Variants in SLC13A1 observed in about 807,000 individuals in gnomAD.
SLC13A1 encodes the protein solute carrier family 13 member 1, also known as Na(+)/sulfate cotransporter.
In SLC13A1, 65 loss-of-function variants were observed where a neutral mutation model predicts 70.0. That is an observed-to-expected ratio of 0.93 (90% CI 0.76 to 1.14). SLC13A1 has a LOEUF of 1.14. Ranked by LOEUF, SLC13A1 falls within the 50% of genes most tolerant of loss-of-function variation. The pLI is 0.00. For missense variants in SLC13A1, 726 were observed against 717.8 expected, an observed-to-expected ratio of 1.01 and a Z score of -0.13; for synonymous variants, 275 against 250.5, an observed-to-expected ratio of 1.10 and a Z score of -0.92.
intron 10 of SLC13A1, among the ~76,000 whole-genome samples, chr7:123,127,422 C>T (rs761124472): frequency 7.2e-5 from 11 of 151,996 alleles, no homozygotes; most frequent in African/African-American, 1.2e-4. Flanking sequence ...TTAATTCTTA[C>T]GCACTGGTGT....
chr7:123,147,412 C>T (rs936041395), intron 6 of SLC13A1, 102 bp from the exon 7 acceptor site: 2 of 1,333,158 alleles, frequency 1.5e-6, no homozygotes, highest in Middle Eastern at 2.4e-4. Context: ...TGTTGAAACC[C>T]TAACTCCTGA....
rs542427995 is a variant in SLC13A1 at position 123,179,166 on chromosome 7, C to T, written c.228+1807G>A. On this transcript the variant is annotated intron_variant, in intron 2 of 14. Transcript: ENST00000194130. Reference sequence around the variant, plus strand: ...AATGATATTAATTTTCAAATTCAAGCAACATTTTCATGAAAAAAACTAAGG... The same window carrying T: ...AATGATATTAATTTTCAAATTCAAGTAACATTTTCATGAAAAAAACTAAGG... Among the ~76,000 whole-genome samples the T allele has an allele frequency of 2.0e-5, 3 of 151,974 alleles. No homozygotes were observed. The East Asian group carries it at 5.8e-4, about 29-fold the overall frequency.
At chr7:123,177,070 T>C (rs888048508) in intron 2 of SLC13A1, among the ~76,000 whole-genome samples, 9 of 152,120 alleles carry the variant, frequency 5.9e-5, no homozygotes, top group Non-Finnish European at 1.3e-4. Context: ...AGATGTCTAA[T>C]AGGTATTTCA....
chr7:123,176,104 T>G (rs772794049), intron 2 of SLC13A1, among the ~76,000 whole-genome samples: 4 of 152,362 alleles, frequency 2.6e-5, no homozygotes, highest in Admixed American at 6.5e-5. Flanking sequence ...GATTTGGCCT[T>G]CAGGCCCACA....
intron 7 of SLC13A1, among the ~76,000 whole-genome samples, chr7:123,136,214 A>G (rs1382763627): frequency 6.6e-6 from 1 of 152,200 alleles, no homozygotes; most frequent in Non-Finnish European, 1.5e-5. Flanking sequence ...GAATCCTGCA[A>G]AATGTATTTG....
rs772793282 is a variant in SLC13A1 at position 123,134,419 on chromosome 7, A to G, written c.923T>C (p.Leu308Pro). 8.7e-6 allele frequency: 14 copies of G among 1,612,916 alleles called. No homozygotes were observed. Among genetic ancestry groups the G allele is most frequent in the Non-Finnish European group, 1.2e-5 (14 of 1,179,356 alleles). The change falls in exon 8 of 15, where the codon CTA becomes CCA. Residue 308 changes from leucine to proline, a missense_variant. Transcript: ENST00000194130. ...LSWIWLQWLF[L>P]GFNFKEMFKC... is the part of the protein sequence containing the mutation. Reference sequence around the variant, plus strand: ...TGAAATATTTACTTACTTGAATCCTAGGAAAAGCCACTGAAGCCAGATCCA... The same window carrying G: ...TGAAATATTTACTTACTTGAATCCTGGGAAAAGCCACTGAAGCCAGATCCA...
chr7:123,175,547 A>G (rs1270537002), intron 2 of SLC13A1, among the ~76,000 whole-genome samples: 1 of 152,102 alleles, frequency 6.6e-6, no homozygotes, highest in Non-Finnish European at 1.5e-5. Flanking sequence ...GGGGCCTGAG[A>G]GAGCTCCCTT....
intron 7 of SLC13A1, among the ~76,000 whole-genome samples, chr7:123,139,288 ACC>A (rs1210574085): frequency 4.6e-5 from 7 of 152,166 alleles, no homozygotes; most frequent in Non-Finnish European, 1.0e-4. Context: ...CTGTTTATAT[ACC>A]AGTACCATGC....
chr7:123,128,572 T>C (rs73217759), intron 10 of SLC13A1, among the ~76,000 whole-genome samples: 6,937 of 152,114 alleles, frequency 0.046, 218 homozygotes, highest in Non-Finnish European at 0.068. Flanking sequence ...AATAATTTTG[T>C]AGGGATGGGA....
chr7:123,124,077 A>T (rs10267257), intron 11 of SLC13A1, among the ~76,000 whole-genome samples: 35,611 of 152,150 alleles, frequency 0.23, 4,863 homozygotes, highest in East Asian at 0.35. Flanking sequence ...ATCTCTGACA[A>T]GTACTTCTTA....
chr7:123,180,233 G>A lies in SLC13A1; in HGVS notation c.228+740C>T, dbSNP rs141152564. ...TTTCACAGGAAGAAATGTAATCAAG[G>A]GTTTGTTAAAAAGAAAATGACAGAC... is the stretch of plus-strand genomic sequence containing the variant. On this transcript the variant is annotated intron_variant, in intron 2 of 14. Coordinates refer to ENST00000194130, the MANE Select transcript of SLC13A1 (RefSeq NM_022444.4). Among the ~76,000 whole-genome samples, 8 of 152,172 alleles carry A rather than the reference G, an allele frequency of 5.3e-5. No individual in the cohort carries two copies. In the East Asian group the frequency reaches 9.7e-4, roughly 18 times the overall value.
chr7:123,114,415 C>T lies in SLC13A1; in HGVS notation c.*1103G>A, dbSNP rs1793114717. 1 of 124,710 alleles carries T rather than the reference C, an allele frequency of 8.0e-6. No individual in the cohort carries two copies. Among genetic ancestry groups the T allele is most frequent in the Non-Finnish European group, 1.7e-5 (1 of 60,256 alleles). The allele number at this position is 124,710 out of a possible 1,614,324, so 7.7% of individuals were successfully genotyped here. Reference sequence around the variant, plus strand: ...CACTTCTAGAAGACTATTCTTATCCCATTTTTGTTTAAATGTTTAGTTTTT... The same window carrying T: ...CACTTCTAGAAGACTATTCTTATCCTATTTTTGTTTAAATGTTTAGTTTTT... On this transcript the variant is annotated 3_prime_UTR_variant, in exon 15 of 15. Coordinates refer to ENST00000194130, the MANE Select transcript of SLC13A1 (RefSeq NM_022444.4).
intron 10 of SLC13A1, 98 bp downstream of exon 10, chr7:123,128,747 A>G (rs1352920606): frequency 1.3e-6 from 1 of 758,254 alleles, no homozygotes; most frequent in African/African-American, 1.8e-5. Context: ...AAAGAAAGAA[A>G]AATATCTCAT....
intron 11 of SLC13A1, among the ~76,000 whole-genome samples, chr7:123,124,273 T>C (rs1010590137): frequency 4.6e-5 from 7 of 152,160 alleles, no homozygotes; most frequent in African/African-American, 1.7e-4. Context: ...GATTCCTCAG[T>C]ACTTGCCACT....
intron 7 of SLC13A1, among the ~76,000 whole-genome samples, chr7:123,136,980 G>A (rs1793970473): frequency 6.6e-6 from 1 of 152,166 alleles, no homozygotes; most frequent in South Asian, 2.1e-4. Flanking sequence ...TGGGTAATGA[G>A]TGAAGGTGAG....
intron 6 of SLC13A1, among the ~76,000 whole-genome samples, chr7:123,166,568 C>T (rs929454809): frequency 2.0e-5 from 3 of 151,994 alleles, no homozygotes; most frequent in African/African-American, 4.8e-5. Flanking sequence ...CAACAGGCCC[C>T]AGTGTGTGAC....
chr7:123,151,642 G>A (rs1794559955), intron 6 of SLC13A1, among the ~76,000 whole-genome samples: 1 of 152,006 alleles, frequency 6.6e-6, no homozygotes, highest in South Asian at 2.1e-4. Flanking sequence ...GTAAAATTAT[G>A]ATGTCATTTT....
Position 123,169,172 on chromosome 7 carries a change from T to A in SLC13A1, c.529A>T (p.Thr177Ser). The A allele has an allele frequency of 1.2e-6, 2 of 1,614,070 alleles. 1 individual carries two copies. Among genetic ancestry groups the A allele is most frequent in the Middle Eastern group, 3.3e-4 (2 of 6,058 alleles). ...ATQMTYFNGS[T>S]NHGLEIDESV... ...CCATCAATTTCTAGTCCGTGGTTGG[T>A]TGATCCGTTGAAGTAAGTCATCTGA... Residue 177 changes from threonine to serine, a missense_variant, in exon 4 of 15, where the codon ACC becomes TCC. Physicochemically the swap from Thr to Ser is moderately conservative, Grantham distance 58. Coordinates refer to ENST00000194130, the MANE Select transcript of SLC13A1 (RefSeq NM_022444.4).
chr7:123,170,617 G>T (rs12111745), intron 3 of SLC13A1, among the ~76,000 whole-genome samples: 1,950 of 127,514 alleles, frequency 0.015, 33 homozygotes, highest in African/African-American at 0.052. Flanking sequence ...CGTCGTTTTG[G>T]TTTTTTTTGT....
Sources: gnomAD v4.1 joint callset for allele counts (sites outside exome capture counted in the v4.1 genomes callset) on GRCh38, gnomAD v4.1.1 for gene constraint, MANE v1.5 for transcripts, NCBI Gene and HGNC (gene_info 2026-07-23, HGNC 2026-07-21) for gene names.